NRXN1: variants seen among roughly 807,000 people sequenced by gnomAD.
The protein encoded by NRXN1 is neurexin 1, also known as neurexin-1.
A neutral mutation model predicts 150.9 loss-of-function variants in NRXN1; 39 were observed. The observed-to-expected ratio is 0.26, with a 90% CI of 0.20 to 0.34. The LOEUF (loss-of-function observed/expected upper bound fraction) is 0.34, where lower values mean the gene tolerates loss of function less well. NRXN1 is among the 10% of genes least tolerant of loss of function. NRXN1 has a pLI of 1.00. For missense variants in NRXN1, 1,815 were observed against 1,949.9 expected (o/e 0.93, Z 1.30); for synonymous variants, 924 against 757.0 (o/e 1.22, Z -3.62).
intron 19 of NRXN1, among the ~76,000 whole-genome samples, chr2:50,070,498 C>T (rs1696088494): frequency 6.6e-6 from 1 of 151,954 alleles, no homozygotes; most frequent in Non-Finnish European, 1.5e-5. Context: ...GGGCCAGACA[C>T]GGTGGCTCAC....
chr2:50,993,308 T>C (rs1011671980), intron 2 of NRXN1, among the ~76,000 whole-genome samples: 1 of 151,964 alleles, frequency 6.6e-6, no homozygotes, highest in African/African-American at 2.4e-5. Flanking sequence ...TGCACATTTA[T>C]ATAGTTAGCC....
At chr2:50,243,505 A>G (rs954130645) in intron 17 of NRXN1, among the ~76,000 whole-genome samples, 6 of 151,808 alleles carry the variant, frequency 4.0e-5, no homozygotes, top group African/African-American at 1.4e-4. Context: ...CAAGACAGGG[A>G]GACTCAAACT....
At chr2:50,049,283 G>A in intron 21 of NRXN1, among the ~76,000 whole-genome samples, 1 of 152,268 alleles carries the variant, frequency 6.6e-6, no homozygotes, top group Admixed American at 6.5e-5. Flanking sequence ...TGAAATCTAT[G>A]TTTTGGTAAA....
At chr2:50,252,182 C>CT (rs200826084) in intron 17 of NRXN1, among the ~76,000 whole-genome samples, 1,799 of 126,152 alleles carry the variant, frequency 0.014, 44 homozygotes, top group African/African-American at 0.047. Flanking sequence ...ACATTTAAGT[C>CT]TTTTTTTTTT....
chr2:50,309,539 C>A (rs1453094737), intron 17 of NRXN1, among the ~76,000 whole-genome samples: 1 of 152,166 alleles, frequency 6.6e-6, no homozygotes, highest in Non-Finnish European at 1.5e-5. Flanking sequence ...TAAATCCCAA[C>A]CTGTGACAAG....
chr2:50,799,915 CGAGA>C (rs1707357495), intron 5 of NRXN1, among the ~76,000 whole-genome samples: 1 of 151,964 alleles, frequency 6.6e-6, no homozygotes, highest in African/African-American at 2.4e-5. Flanking sequence ...CACACACACA[CGAGA>C]GAGACAGAGA....
intron 5 of NRXN1, among the ~76,000 whole-genome samples, chr2:50,650,738 C>G (rs1685493622): frequency 2.0e-5 from 3 of 152,026 alleles, no homozygotes; most frequent in Non-Finnish European, 4.4e-5. Context: ...AACCAACAAA[C>G]AGAAATCAGT....
intron 2 of NRXN1, among the ~76,000 whole-genome samples, chr2:51,018,222 T>C (rs76716233): frequency 0.071 from 10,747 of 152,170 alleles, 426 homozygotes; most frequent in Admixed American, 0.094. Context: ...TGTCAGGATA[T>C]TAGTGAAGCA....
chr2:50,095,231 A>G (rs1012730832), intron 18 of NRXN1, among the ~76,000 whole-genome samples: 4 of 152,336 alleles, frequency 2.6e-5, no homozygotes, highest in South Asian at 2.1e-4. Flanking sequence ...CCTTTTTACT[A>G]TCCAAGAGGG....
chr2:50,927,673 T>A (rs1361476635), intron 2 of NRXN1, among the ~76,000 whole-genome samples: 2 of 152,172 alleles, frequency 1.3e-5, no homozygotes, highest in Non-Finnish European at 2.9e-5. Context: ...TGAAATTGTA[T>A]CTTCTGTTTA....
At chr2:50,334,591 A>C (rs1018289390) in intron 17 of NRXN1, among the ~76,000 whole-genome samples, 54 of 152,078 alleles carry the variant, frequency 3.6e-4, no homozygotes, top group African/African-American at 1.3e-3. Context: ...CTATTTCCCA[A>C]ATGGCAGGCA....
At chr2:50,001,036 G>A (rs1683831584) in intron 21 of NRXN1, among the ~76,000 whole-genome samples, 1 of 152,114 alleles carries the variant, frequency 6.6e-6, no homozygotes, top group South Asian at 2.1e-4. Context: ...AGCATATTTT[G>A]CTCAAAAGGA....
At chr2:50,527,161 A>G (rs572143861) in intron 12 of NRXN1, among the ~76,000 whole-genome samples, 1 of 152,284 alleles carries the variant, frequency 6.6e-6, no homozygotes, top group South Asian at 2.1e-4. Context: ...TCTAGAAAGG[A>G]ATATTGGTCC....
At chr2:50,629,824 C>T (rs1205957544) in intron 5 of NRXN1, among the ~76,000 whole-genome samples, 1 of 151,328 alleles carries the variant, frequency 6.6e-6, no homozygotes, top group East Asian at 1.9e-4. Context: ...CTTTAATTAC[C>T]ATTTGCTCTT....
At chr2:50,508,664 G>C (rs1415668491) in intron 12 of NRXN1, among the ~76,000 whole-genome samples, 1 of 151,926 alleles carries the variant, frequency 6.6e-6, no homozygotes, top group African/African-American at 2.4e-5. Context: ...GCATACATAA[G>C]GGTGATATCA....
chr2:50,577,142 C>T (rs72884055), intron 8 of NRXN1, among the ~76,000 whole-genome samples: 8,773 of 152,000 alleles, frequency 0.058, 356 homozygotes, highest in Middle Eastern at 0.12. Flanking sequence ...CTTGGTGAGA[C>T]GCTTCACATG....
chr2:50,983,395 T>A (rs901672096), intron 2 of NRXN1, among the ~76,000 whole-genome samples: 6 of 152,100 alleles, frequency 3.9e-5, no homozygotes, highest in African/African-American at 1.2e-4. Context: ...TCATCCCTAT[T>A]TCAATGGACA....
intron 17 of NRXN1, among the ~76,000 whole-genome samples, chr2:50,244,860 A>G (rs2066356579): frequency 6.6e-6 from 1 of 151,868 alleles, no homozygotes; most frequent in Non-Finnish European, 1.5e-5. Flanking sequence ...TTGGATTTTT[A>G]AACTGCTTTT....
chr2:50,764,018 G>GT (rs1702115521), intron 5 of NRXN1, among the ~76,000 whole-genome samples: 1 of 144,932 alleles, frequency 6.9e-6, no homozygotes, highest in Admixed American at 7.0e-5. Context: ...ACATCCGTTG[G>GT]CCCTTTTTTT....
Sources: gnomAD v4.1 joint callset for allele counts (sites outside exome capture counted in the v4.1 genomes callset) on GRCh38, gnomAD v4.1.1 for gene constraint, MANE v1.5 for transcripts, NCBI Gene and HGNC (gene_info 2026-07-23, HGNC 2026-07-21) for gene names.